The following B4GALT5 variants were observed in gnomAD, a reference collection of about 807,000 sequenced individuals.
B4GALT5 encodes the protein beta-1,4-galactosyltransferase 5, also known as UDP-Gal:beta-GlcNAc beta-1,4-galactosyltransferase 5.
Under a neutral mutation model 45.0 loss-of-function variants are expected in B4GALT5, and 11 were observed. That is an observed-to-expected ratio of 0.24 (90% CI 0.15 to 0.40). The LOEUF (loss-of-function observed/expected upper bound fraction) is 0.40. B4GALT5 is among the 10% of genes least tolerant of loss of function. The probability of loss-of-function intolerance (pLI) is 1.00; values close to 1 mark genes in which losing one functional copy is unlikely to be tolerated. For missense variants in B4GALT5, 337 were observed against 500.2 expected, an observed-to-expected ratio of 0.67 and a Z score of 3.11; for synonymous variants, 185 against 182.9, an observed-to-expected ratio of 1.01 and a Z score of -0.09.
intron 1 of B4GALT5, among the ~76,000 whole-genome samples, chr20:49,697,175 A>G (rs1332466176): frequency 6.6e-6 from 1 of 152,222 alleles, no homozygotes; most frequent in African/African-American, 2.4e-5. Flanking sequence ...AGAAATTAAC[A>G]ACAGAGTCTC....
chr20:49,702,576 C>T (rs528241237), intron 1 of B4GALT5, among the ~76,000 whole-genome samples: 3 of 151,998 alleles, frequency 2.0e-5, no homozygotes, highest in East Asian at 3.9e-4. Context: ...CCTAACAGGC[C>T]GGGCATGGTG....
chr20:49,692,676 T>C (rs1041768733), intron 1 of B4GALT5, among the ~76,000 whole-genome samples: 5 of 152,214 alleles, frequency 3.3e-5, no homozygotes, highest in Admixed American at 1.3e-4. Context: ...ACCTGTAAGA[T>C]ACAGGGGTAA....
At position 49,636,386 on chromosome 20, in the gene B4GALT5, T is replaced by C. The variant is rs371910750; in HGVS notation, c.1093A>G (p.Ile365Val). The C allele has an allele frequency of 2.4e-5, 38 of 1,614,182 alleles. No homozygotes were observed. Among genetic ancestry groups the C allele is most frequent in the Non-Finnish European group, 3.0e-5 (35 of 1,180,014 alleles). ...TTTTTATACAAGGCGTCGTATGTGA[T>C]GTTTGCAAAGTAGTTCAGGTTGTTG... ...GLNNLNYFAN[I>V]TYDALYKNIT... The change falls in exon 9 of 9, where the codon ATC becomes GTC. Residue 365 changes from isoleucine to valine, a missense_variant. Around this residue, in one of 2 missense-constraint regions of B4GALT5, gnomAD observed 163 missense variants for 292.8 expected, o/e 0.56. Coordinates refer to ENST00000371711, the MANE Select transcript of B4GALT5 (RefSeq NM_004776.4).
chr20:49,660,771 A>C (rs2085661799), intron 1 of B4GALT5, among the ~76,000 whole-genome samples: 1 of 152,172 alleles, frequency 6.6e-6, no homozygotes, highest in African/African-American at 2.4e-5. Flanking sequence ...GGATCACTTG[A>C]GGCCAGGAGT....
chr20:49,674,670 A>G (rs1424676238), intron 1 of B4GALT5, among the ~76,000 whole-genome samples: 4 of 151,806 alleles, frequency 2.6e-5, no homozygotes, highest in African/African-American at 7.3e-5. Flanking sequence ...TGGGAAACAT[A>G]GCGAGACCCC....
chr20:49,712,393 TCTTTC>T (rs950734988), intron 1 of B4GALT5, among the ~76,000 whole-genome samples: 1 of 151,724 alleles, frequency 6.6e-6, no homozygotes, highest in Non-Finnish European at 1.5e-5. Context: ...CTTCATGCTG[TCTTTC>T]CTTCTGATCT....
chr20:49,693,998 G>A lies in B4GALT5; in HGVS notation c.115+19578C>T, dbSNP rs1486522771. Among the ~76,000 whole-genome samples, 30 of 152,070 alleles carry A rather than the reference G, an allele frequency of 2.0e-4. 1 individual carries two copies. Among genetic ancestry groups the A allele is most frequent in the Admixed American group, 1.8e-3 (27 of 15,270 alleles). The stretch of plus-strand genomic sequence containing the variant: ...GTGACAGGATGGACACCTCACTTTC[G>A]ATAATTAGCCACCTCATTAGATTTA... On this transcript the variant is annotated intron_variant, in intron 1 of 8. Transcript: ENST00000371711.
At chr20:49,655,022 T>C (rs1165431568) in intron 2 of B4GALT5, among the ~76,000 whole-genome samples, 1 of 151,956 alleles carries the variant, frequency 6.6e-6, no homozygotes, top group Non-Finnish European at 1.5e-5. Context: ...TCCTAGCACT[T>C]TGGGAGGACG....
intron 1 of B4GALT5, among the ~76,000 whole-genome samples, chr20:49,692,112 C>A (rs1420457124): frequency 6.6e-6 from 1 of 152,092 alleles, no homozygotes; most frequent in African/African-American, 2.4e-5. Context: ...ATGTCCCCTA[C>A]AATTATGCTT....
intron 1 of B4GALT5, among the ~76,000 whole-genome samples, chr20:49,696,796 C>CA (rs1405919961): frequency 2.0e-5 from 3 of 152,150 alleles, no homozygotes; most frequent in Non-Finnish European, 4.4e-5. Context: ...TTCAACAGAA[C>CA]AAAGGTGGTA....
intron 1 of B4GALT5, among the ~76,000 whole-genome samples, chr20:49,660,687 T>G (rs1443988527): frequency 6.6e-6 from 1 of 152,206 alleles, no homozygotes; most frequent in Admixed American, 6.5e-5. Context: ...GGTGTCTCTA[T>G]TAAAAGTCTT....
At chr20:49,657,984 C>T (rs997860006) in intron 1 of B4GALT5, among the ~76,000 whole-genome samples, 6 of 151,978 alleles carry the variant, frequency 3.9e-5, no homozygotes, top group Admixed American at 1.3e-4. Context: ...TGAAATCTTT[C>T]GAAAGATTTC....
chr20:49,694,809 A>G (rs974402055), intron 1 of B4GALT5, among the ~76,000 whole-genome samples: 1 of 150,504 alleles, frequency 6.6e-6, no homozygotes, highest in Non-Finnish European at 1.5e-5. Flanking sequence ...AAAACCCAGA[A>G]AACTACACCC....
intron 1 of B4GALT5, among the ~76,000 whole-genome samples, chr20:49,672,503 G>A (rs1424876037): frequency 6.6e-6 from 1 of 152,122 alleles, no homozygotes; most frequent in African/African-American, 2.4e-5. Context: ...CCTAGAAACG[G>A]GTTCTCTGGG....
chr20:49,693,484 T>C (rs1304461955), intron 1 of B4GALT5, among the ~76,000 whole-genome samples: 1 of 152,188 alleles, frequency 6.6e-6, no homozygotes, highest in Non-Finnish European at 1.5e-5. Flanking sequence ...AGTTTCTCTC[T>C]CCAAGGTGCA....
intron 1 of B4GALT5, among the ~76,000 whole-genome samples, chr20:49,663,532 C>A (rs2085673698): frequency 6.7e-6 from 1 of 150,174 alleles, no homozygotes; most frequent in South Asian, 2.1e-4. Flanking sequence ...ATATTTTGGA[C>A]ATTTACGTAT....
At chr20:49,660,035 C>T (rs2085659177) in intron 1 of B4GALT5, among the ~76,000 whole-genome samples, 1 of 152,118 alleles carries the variant, frequency 6.6e-6, no homozygotes, top group African/African-American at 2.4e-5. Flanking sequence ...TCAACCTTCC[C>T]CAGACACCCT....
intron 1 of B4GALT5, among the ~76,000 whole-genome samples, chr20:49,682,162 CT>C (rs1349586869): frequency 6.6e-6 from 1 of 152,194 alleles, no homozygotes; most frequent in Non-Finnish European, 1.5e-5. Flanking sequence ...ACATCAAACT[CT>C]GGACAATGGC....
At chr20:49,712,515 G>A (rs1470132254) in intron 1 of B4GALT5, among the ~76,000 whole-genome samples, 1 of 152,042 alleles carries the variant, frequency 6.6e-6, no homozygotes, top group Non-Finnish European at 1.5e-5. Flanking sequence ...TTCCTTTAAA[G>A]GATAAGACTT....
Sources: gnomAD v4.1 joint callset for allele counts (sites outside exome capture counted in the v4.1 genomes callset) on GRCh38, gnomAD v4.1.1 for gene constraint, gnomAD v4.1.1 regional missense constraint, MANE v1.5 for transcripts, NCBI Gene and HGNC (gene_info 2026-07-23, HGNC 2026-07-21) for gene names.